Variants in TFCP2L1 observed in about 807,000 individuals in gnomAD.
TFCP2L1 encodes transcription factor CP2-like protein 1.
A neutral mutation model predicts 72.2 loss-of-function variants in TFCP2L1; 12 were observed. The ratio of observed to expected loss-of-function variants is 0.17; its 90% CI spans 0.11 to 0.27. The LOEUF (loss-of-function observed/expected upper bound fraction) is 0.27, where lower values mean the gene tolerates loss of function less well. Ranked by LOEUF, TFCP2L1 falls within the 10% of genes least tolerant of loss-of-function variation. The probability of loss-of-function intolerance (pLI) is 1.00; values close to 1 mark genes in which losing one functional copy is unlikely to be tolerated. For synonymous variants in TFCP2L1, 260 were observed against 251.0 expected (o/e 1.04, Z -0.34); for missense variants, 488 against 624.6 (o/e 0.78, Z 2.33).
intron 2 of TFCP2L1, among the ~76,000 whole-genome samples, chr2:121,280,596 AC>A (rs1687235799): frequency 6.6e-6 from 1 of 151,926 alleles, no homozygotes; most frequent in Admixed American, 6.6e-5. Flanking sequence ...CCCCAGCTCT[AC>A]AAAAAATTTA....
Position 121,246,792 on chromosome 2 carries a change from C to A in TFCP2L1, c.657+26G>T, listed in dbSNP as rs201544760. 1.8e-3 allele frequency: 2,850 copies of A among 1,613,594 alleles called. 71 individuals carry two copies. The South Asian group carries it at 0.029, about 17-fold the overall frequency. Reference sequence around the variant, plus strand: ...CACAGGCCAGGCCAGCAGCAGGGCACGGCAGAGCCTGCGAAGCCATCCTAC... The same window carrying A: ...CACAGGCCAGGCCAGCAGCAGGGCAAGGCAGAGCCTGCGAAGCCATCCTAC... On this transcript the variant is annotated intron_variant, in intron 6 of 14. Coordinates refer to ENST00000263707, the MANE Select transcript of TFCP2L1 (RefSeq NM_014553.3).
intron 6 of TFCP2L1, among the ~76,000 whole-genome samples, chr2:121,242,873 C>G (rs370474913): frequency 1.3e-5 from 2 of 152,184 alleles, no homozygotes; most frequent in African/African-American, 4.8e-5. Context: ...CTCCTTACCC[C>G]CAACTCTCAG....
chr2:121,275,663 T>C (rs563226470), intron 2 of TFCP2L1, among the ~76,000 whole-genome samples: 6 of 150,628 alleles, frequency 4.0e-5, no homozygotes, highest in Non-Finnish European at 7.4e-5. Context: ...CTCTGCCTTC[T>C]GGGTTCAAGC....
At chr2:121,267,819 T>C (rs1424190414) in intron 2 of TFCP2L1, among the ~76,000 whole-genome samples, 3 of 152,202 alleles carry the variant, frequency 2.0e-5, no homozygotes, top group Non-Finnish European at 4.4e-5. Flanking sequence ...CTATGTGCTA[T>C]AAGCTGTGAT....
At chr2:121,266,077 G>A (rs1686924634) in intron 2 of TFCP2L1, among the ~76,000 whole-genome samples, 1 of 151,826 alleles carries the variant, frequency 6.6e-6, no homozygotes, top group Admixed American at 6.6e-5. Context: ...TGTTGCCCAG[G>A]CTGGTCCTGA....
chr2:121,275,531 T>A (rs967783863), intron 2 of TFCP2L1, among the ~76,000 whole-genome samples: 1 of 150,084 alleles, frequency 6.7e-6, no homozygotes, highest in African/African-American at 2.4e-5. Flanking sequence ...CATAATCTCA[T>A]CCATTTGTTT....
At position 121,237,824 on chromosome 2, in the gene TFCP2L1, T is replaced by A. The variant is rs753741863; in HGVS notation, c.887A>T (p.Glu296Val). The change falls in exon 9 of 15, where the codon GAG (glutamate) becomes GTG (valine). Residue 296 changes from glutamate to valine, a missense_variant. Physicochemically the swap from Glu to Val is moderately radical, Grantham distance 121 (BLOSUM62 -2). Around this residue, in one of 3 missense-constraint regions of TFCP2L1, gnomAD observed 286 missense variants for 329.0 expected, o/e 0.87. Coordinates refer to ENST00000263707, the MANE Select transcript of TFCP2L1 (RefSeq NM_014553.3). Reference protein sequence around the residue: ...EGNASPTHPVEALPVGSDHLL... With the variant: ...EGNASPTHPVVALPVGSDHLL... ...TACGTCACTGCCCACGGGCAGGGCC[T>A]CCACCGGGTGGGTCGGAGAGGCGTT... 2 of 1,613,956 alleles carry A rather than the reference T, an allele frequency of 1.2e-6. No individual in the cohort carries two copies. Among genetic ancestry groups the A allele is most frequent in the Non-Finnish European group, 1.7e-6 (2 of 1,180,016 alleles).
chr2:121,251,180 CGGG>C, intron 2 of TFCP2L1, among the ~76,000 whole-genome samples: 1 of 151,634 alleles, frequency 6.6e-6, no homozygotes, highest in South Asian at 2.1e-4. Flanking sequence ...CACTTGAACC[CGGG>C]AGGCAGAGGT....
At position 121,220,586 on chromosome 2, in the gene TFCP2L1, G is replaced by A. The variant is rs575256549; in HGVS notation, c.*3755C>T. ...CCTCTGGGGTTCACTGTAAAAAGAA[G>A]CTACAGTTCAGAAGCCACAGGTTGG... On this transcript the variant is annotated 3_prime_UTR_variant, in exon 15 of 15. Transcript: ENST00000263707. The A allele has an allele frequency of 3.3e-5, 5 of 152,350 alleles. No homozygotes were observed. The highest frequency in any genetic ancestry group is 1.2e-4 in the African/African-American group (5 of 41,578). The allele number at this position is 152,350 out of a possible 1,614,324, so 9.4% of individuals were successfully genotyped here.
chr2:121,273,966 C>T (rs1291845143), intron 2 of TFCP2L1, among the ~76,000 whole-genome samples: 8 of 151,830 alleles, frequency 5.3e-5, no homozygotes, highest in Admixed American at 2.0e-4. Flanking sequence ...TGGTAGTGGG[C>T]GCCTGTAACC....
At chr2:121,274,845 G>A (rs1687113790) in intron 2 of TFCP2L1, among the ~76,000 whole-genome samples, 1 of 152,026 alleles carries the variant, frequency 6.6e-6, no homozygotes, top group Non-Finnish European at 1.5e-5. Flanking sequence ...GAGAGGCTGA[G>A]GCAAGAGGAC....
At chr2:121,235,006 C>T (rs571848759) in intron 11 of TFCP2L1, among the ~76,000 whole-genome samples, 11 of 152,372 alleles carry the variant, frequency 7.2e-5, no homozygotes, top group Non-Finnish European at 1.3e-4. Flanking sequence ...GCAGGGTCTG[C>T]GGCAGCTGGC....
intron 1 of TFCP2L1, 62 bp downstream of exon 1, chr2:121,284,986 T>C: frequency 7.1e-7 from 1 of 1,400,922 alleles, no homozygotes; most frequent in Non-Finnish European, 9.3e-7. Context: ...CCCCTGGACG[T>C]CCAACGGCGC....
At chr2:121,231,403 T>A (rs1324116894) in intron 13 of TFCP2L1, among the ~76,000 whole-genome samples, 1 of 152,174 alleles carries the variant, frequency 6.6e-6, no homozygotes, top group African/African-American at 2.4e-5. Flanking sequence ...CTGTGGCACC[T>A]TCACCACTTG....
chr2:121,254,615 T>C lies in TFCP2L1; in HGVS notation c.215-4968A>G, dbSNP rs1331783449. On this transcript the variant is annotated intron_variant, in intron 2 of 14. Coordinates refer to ENST00000263707, the MANE Select transcript of TFCP2L1 (RefSeq NM_014553.3). The stretch of plus-strand genomic sequence containing the variant: ...GAGTTCGAGACCAGCATGGCCAACA[T>C]GGCGAAACCCTGTCTCTACTAAAAA... 6.6e-5 allele frequency among the ~76,000 whole-genome samples: 10 copies of C among 152,206 alleles called. 1 individual carries two copies. The highest frequency in any genetic ancestry group is 5.8e-4 in the East Asian group (3 of 5,170).
chr2:121,237,574 G>A, intron 10 of TFCP2L1, 49 bp downstream of exon 10: 1 of 1,600,954 alleles, frequency 6.2e-7, no homozygotes, highest in Non-Finnish European at 8.5e-7. Context: ...CAGCCTTGAA[G>A]TGTCTCCAAG....
In TFCP2L1 at chr2:121,285,188, T is replaced by G; in HGVS notation, c.-79A>C. ...GCGCGCCGAGGACCCAGCGGCGGCT[T>G]CGCGCTCCGAACCCGCGGTGCCGGC... On this transcript the variant is annotated 5_prime_UTR_variant, in exon 1 of 15. Coordinates refer to ENST00000263707, the MANE Select transcript of TFCP2L1 (RefSeq NM_014553.3). The G allele has an allele frequency of 1.6e-6, 2 of 1,267,800 alleles. No homozygotes were observed. Among genetic ancestry groups the G allele is most frequent in the Non-Finnish European group, 2.0e-6 (2 of 992,666 alleles). 78.5% of individuals were successfully genotyped at this position (1,267,800 alleles called of 1,614,324 possible). A position where few individuals can be genotyped will look rare whatever the true frequency, so the allele number is the denominator to read the frequency against.
rs1180241638 is a variant in TFCP2L1 at position 121,239,468 on chromosome 2, AAGG to A, written c.860+87_860+89del. 12 of 1,424,828 alleles carry A rather than the reference AAGG, an allele frequency of 8.4e-6. No homozygotes were observed. In the Admixed American group the frequency reaches 1.9e-4, roughly 23 times the overall value. The allele number at this position is 1,424,828 out of a possible 1,614,324, so 88.3% of individuals were successfully genotyped here. ...TTAGCTACCCTGAAACCCAAACAGAAAGGAGAGGAGACCCAGAAAGGAAGACTA... is the reference window on the plus strand; with the variant it reads ...TTAGCTACCCTGAAACCCAAACAGAAAGAGGAGACCCAGAAAGGAAGACTA... On this transcript the variant is annotated intron_variant, in intron 8 of 14. Coordinates refer to ENST00000263707, the MANE Select transcript of TFCP2L1 (RefSeq NM_014553.3).
Position 121,285,179 on chromosome 2 carries a change from G to C in TFCP2L1, c.-70C>G, listed in dbSNP as rs1687344619. 4 of 1,313,210 alleles carry C rather than the reference G, an allele frequency of 3.0e-6. No individual in the cohort carries two copies. In the East Asian group the frequency reaches 1.3e-4, roughly 43 times the overall value. The allele number at this position is 1,313,210 out of a possible 1,614,324, so 81.3% of individuals were successfully genotyped here. A position where few individuals can be genotyped will look rare whatever the true frequency, so the allele number is the denominator to read the frequency against. ...AGACGCGGGGCGCGCCGAGGACCCA[G>C]CGGCGGCTTCGCGCTCCGAACCCGC... On this transcript the variant is annotated 5_prime_UTR_variant, in exon 1 of 15. Transcript: ENST00000263707.
Sources: allele counts gnomAD v4.1 joint callset (sites outside exome capture counted in the v4.1 genomes callset), GRCh38; gene constraint gnomAD v4.1.1; regional missense constraint gnomAD v4.1.1; transcripts MANE v1.5; gene names NCBI Gene and HGNC (gene_info 2026-07-23, HGNC 2026-07-21).